Variants in PTPN5 observed in about 807,000 individuals in gnomAD.
The protein encoded by PTPN5 is tyrosine-protein phosphatase non-receptor type 5.
In PTPN5, 29 loss-of-function variants were observed where a neutral mutation model predicts 73.9. The observed-to-expected ratio is 0.39, with a 90% CI of 0.29 to 0.54. PTPN5 has a LOEUF of 0.54. Ranked by LOEUF, PTPN5 falls within the 20% of genes least tolerant of loss-of-function variation. PTPN5 has a pLI of 0.65. For synonymous variants in PTPN5, 267 were observed against 304.7 expected (o/e 0.88, Z 1.29); for missense variants, 652 against 751.4 (o/e 0.87, Z 1.55).
rs1346701471 is a variant in PTPN5, at chr11:18,729,375, T to C, written c.1604+78A>G. The C allele has an allele frequency of 5.4e-6, 4 of 741,806 alleles. No homozygotes were observed. Among genetic ancestry groups the C allele is most frequent in the African/African-American group, 3.4e-5 (2 of 58,818 alleles). The allele number at this position is 741,806 out of a possible 1,614,324, so 46.0% of individuals were successfully genotyped here. A position where few individuals can be genotyped will look rare whatever the true frequency, so the allele number is the denominator to read the frequency against. On this transcript the variant is annotated intron_variant, in intron 14 of 14. Coordinates refer to ENST00000358540, the MANE Select transcript of PTPN5 (RefSeq NM_006906.2). The surrounding 1 kb of genome is among the most constrained non-coding windows in gnomAD (Gnocchi z 5.2). ...CCATCTGCCCCTCACCCCCCGCCCATGCACATGTGGGTCTCTCCCTCTACC... is the reference window on the plus strand; with the variant it reads ...CCATCTGCCCCTCACCCCCCGCCCACGCACATGTGGGTCTCTCCCTCTACC...
chr11:18,734,806 T>G (rs1849044434), intron 9 of PTPN5, among the ~76,000 whole-genome samples: 1 of 152,222 alleles, frequency 6.6e-6, no homozygotes, highest in Admixed American at 6.5e-5. Context: ...ATCAGCTCAC[T>G]TGTCCAGGCC....
chr11:18,752,204 C>T (rs1255971908), intron 3 of PTPN5, among the ~76,000 whole-genome samples: 1 of 152,208 alleles, frequency 6.6e-6, no homozygotes, highest in African/African-American at 2.4e-5. Context: ...TGCACTCCAG[C>T]CTGGGTGACA....
At chr11:18,758,769 A>G (rs1850261976) in intron 3 of PTPN5, among the ~76,000 whole-genome samples, 4 of 152,028 alleles carry the variant, frequency 2.6e-5, no homozygotes, top group Admixed American at 2.6e-4. Context: ...GGCATCTGTC[A>G]CTGCATATGT....
At chr11:18,756,697 C>T (rs1488841049) in intron 3 of PTPN5, among the ~76,000 whole-genome samples, 2 of 151,782 alleles carry the variant, frequency 1.3e-5, no homozygotes, top group Middle Eastern at 3.4e-3. Context: ...CCGAGGCGGG[C>T]GGATCATGAG....
chr11:18,730,729 G>A (rs1276137084), intron 12 of PTPN5: 1 of 152,306 alleles, frequency 6.6e-6, no homozygotes, highest in Non-Finnish European at 1.5e-5. Flanking sequence ...TGTTATAGCA[G>A]CCTGAGCAGA....
chr11:18,767,062 A>G (rs1850676095), intron 2 of PTPN5, among the ~76,000 whole-genome samples: 1 of 152,196 alleles, frequency 6.6e-6, no homozygotes, highest in Non-Finnish European at 1.5e-5. Context: ...CCCACATTTT[A>G]GCTTACGCCA....
chr11:18,731,682 C>A (rs1274008717), intron 12 of PTPN5, among the ~76,000 whole-genome samples: 3 of 152,222 alleles, frequency 2.0e-5, no homozygotes, highest in Admixed American at 6.5e-5. Flanking sequence ...GATCTTAGAG[C>A]TGCTTGTGGG....
At position 18,729,198 on chromosome 11, in the gene PTPN5, T is replaced by A. The variant is rs1848759166; in HGVS notation, c.1605-171A>T. Among the ~76,000 whole-genome samples the A allele has an allele frequency of 1.3e-5, 2 of 152,292 alleles. No individual in the cohort carries two copies. Among genetic ancestry groups the A allele is most frequent in the East Asian group, 1.9e-4 (1 of 5,176 alleles). Reference sequence around the variant, plus strand: ...TGCCCCTTCCTATCAGGGACACAGATGACATGTCCTACCACTTTCGGCCTC... The same window carrying A: ...TGCCCCTTCCTATCAGGGACACAGAAGACATGTCCTACCACTTTCGGCCTC... On this transcript the variant is annotated intron_variant, in intron 14 of 14. Coordinates refer to ENST00000358540, the MANE Select transcript of PTPN5 (RefSeq NM_006906.2). This position sits in a 1 kb window ranked among gnomAD's most constrained non-coding sequence, Gnocchi z 5.2.
intron 3 of PTPN5, among the ~76,000 whole-genome samples, chr11:18,755,087 T>C (rs1850069215): frequency 6.6e-6 from 1 of 152,172 alleles, no homozygotes; most frequent in Admixed American, 6.5e-5. Context: ...CCTCGTGTGC[T>C]CTCTCTTGGA....
At chr11:18,778,078 T>C (rs1011271602) in intron 1 of PTPN5, among the ~76,000 whole-genome samples, 4 of 152,166 alleles carry the variant, frequency 2.6e-5, no homozygotes, top group African/African-American at 4.8e-5. Context: ...GCTCCCACCA[T>C]GGCTAATTTC....
rs369687344 is a variant in PTPN5 at position 18,742,361 on chromosome 11, T to G, written c.626A>C (p.Asp209Ala). ...EKIEDDFLDL[D>A]PVPETPVFDC... Reference sequence around the variant, plus strand: ...AAACACAGGAGTCTCGGGCACCGGGTCGAGGTCCAGGAAGTCATCCTCGAT... The same window carrying G: ...AAACACAGGAGTCTCGGGCACCGGGGCGAGGTCCAGGAAGTCATCCTCGAT... The change falls in exon 7 of 15, where the codon GAC becomes GCC. Residue 209 changes from aspartate (D) to alanine (A), a missense_variant. Physicochemically the swap from Asp to Ala is moderately radical, Grantham distance 126. Coordinates refer to ENST00000358540, the MANE Select transcript of PTPN5 (RefSeq NM_006906.2). The surrounding 1 kb of genome is among the most constrained non-coding windows in gnomAD (Gnocchi z 4.1). 1.7e-5 allele frequency: 27 copies of G among 1,613,848 alleles called. No homozygotes were observed. The highest frequency in any genetic ancestry group is 2.3e-5 in the Non-Finnish European group (27 of 1,180,014).
intron 1 of PTPN5, among the ~76,000 whole-genome samples, chr11:18,781,037 ACT>A (rs1851395463): frequency 6.6e-6 from 1 of 151,982 alleles, no homozygotes; most frequent in African/African-American, 2.4e-5. Flanking sequence ...GGGCTCTCAC[ACT>A]CTGATTATGC....
Position 18,733,681 on chromosome 11 carries a change from T to C in PTPN5, c.1001-46A>G. ...TAAGGCTGGAAACTGGGCCCTCTGG[T>C]GCAGGACCCACTTGCTCTGGCCTAT... On this transcript the variant is annotated intron_variant, in intron 9 of 14. Transcript: ENST00000358540. The surrounding 1 kb of genome is among the most constrained non-coding windows in gnomAD (Gnocchi z 4.3). 1 of 1,544,334 alleles carries C rather than the reference T, an allele frequency of 6.5e-7. No individual in the cohort carries two copies. Among genetic ancestry groups the C allele is most frequent in the South Asian group, 1.1e-5 (1 of 89,568 alleles).
chr11:18,745,013 C>T (rs1396330109), intron 3 of PTPN5, among the ~76,000 whole-genome samples: 1 of 152,224 alleles, frequency 6.6e-6, no homozygotes, highest in Non-Finnish European at 1.5e-5. Context: ...TACTGGATTT[C>T]TGCTAAGATT....
Position 18,791,726 on chromosome 11 carries a change from GGCGCTCCGTCCC to G in PTPN5, c.-327_-316del, listed in dbSNP as rs920017574. 3 of 152,182 alleles carry G rather than the reference GGCGCTCCGTCCC, an allele frequency of 2.0e-5. No individual in the cohort carries two copies. The highest frequency in any genetic ancestry group is 4.4e-5 in the Non-Finnish European group (3 of 68,090). The allele number at this position is 152,182 out of a possible 1,614,324, so 9.4% of individuals were successfully genotyped here. Reference sequence around the variant, plus strand: ...CCTCCGTCCTTCGGTCCGTCCGCCTGGCGCTCCGTCCCGCGCTCCGTGCGCGCTCCCTCGCCC... The same window carrying G: ...CCTCCGTCCTTCGGTCCGTCCGCCTGGCGCTCCGTGCGCGCTCCCTCGCCC... On this transcript the variant is annotated 5_prime_UTR_variant, in exon 1 of 15. Transcript: ENST00000358540.
chr11:18,775,950 G>GA (rs1312002409), intron 1 of PTPN5, among the ~76,000 whole-genome samples: 1 of 152,172 alleles, frequency 6.6e-6, no homozygotes, highest in East Asian at 1.9e-4. Context: ...CAATTATTAA[G>GA]AGAGTCCAGG....
intron 9 of PTPN5, 109 bp downstream of exon 9, chr11:18,737,771 C>T (rs1453049412): frequency 1.0e-6 from 1 of 963,892 alleles, no homozygotes; most frequent in Non-Finnish European, 1.7e-6. Flanking sequence ...GTCCCACCTC[C>T]TCCAGTCCTG....
chr11:18,768,636 CTAG>C (rs1376954506), intron 2 of PTPN5, among the ~76,000 whole-genome samples: 1 of 152,134 alleles, frequency 6.6e-6, no homozygotes, highest in Non-Finnish European at 1.5e-5. Flanking sequence ...AATAAGCTTC[CTAG>C]AAAATGACTA....
At chr11:18,740,965 G>C (rs1849339397) in intron 7 of PTPN5, among the ~76,000 whole-genome samples, 173 bp from the exon 8 acceptor site, 1 of 152,072 alleles carries the variant, frequency 6.6e-6, no homozygotes, top group Admixed American at 6.5e-5. Context: ...GTGAATCTCA[G>C]CCCTGAGGCA....
Sources: gnomAD v4.1 joint callset for allele counts (sites outside exome capture counted in the v4.1 genomes callset) on GRCh38, gnomAD v4.1.1 for gene constraint, Gnocchi (gnomAD v3.1) non-coding constraint, MANE v1.5 for transcripts, NCBI Gene and HGNC (gene_info 2026-07-23, HGNC 2026-07-21) for gene names.